SRPK2: variants seen among roughly 807,000 people sequenced by gnomAD.
The protein encoded by SRPK2 is SFRS protein kinase 2.
A neutral mutation model predicts 90.8 loss-of-function variants in SRPK2; 21 were observed. The ratio of observed to expected loss-of-function variants is 0.23; its 90% CI spans 0.16 to 0.33. SRPK2 has a LOEUF of 0.33. Ranked by LOEUF, SRPK2 falls within the 10% of genes least tolerant of loss-of-function variation. SRPK2 has a pLI of 1.00. For missense variants in SRPK2, 620 were observed against 869.0 expected, an observed-to-expected ratio of 0.71 and a Z score of 3.60; for synonymous variants, 288 against 311.1, an observed-to-expected ratio of 0.93 and a Z score of 0.78.
intron 15 of SRPK2, among the ~76,000 whole-genome samples, chr7:105,119,412 T>C (rs1800014909): frequency 6.6e-6 from 1 of 152,178 alleles, no homozygotes; most frequent in South Asian, 2.1e-4. Flanking sequence ...TACCCACAAC[T>C]GCTCTTCTTT....
upstream of SRPK2, chr7:105,389,417 CA>C: frequency 8.2e-7 from 1 of 1,216,796 alleles, no homozygotes; most frequent in Admixed American, 2.9e-5. Flanking sequence ...GGCACACGAC[CA>C]AAAGCTGGGA....
At chr7:105,153,546 A>G (rs1488130898) in intron 7 of SRPK2, among the ~76,000 whole-genome samples, 5 of 152,126 alleles carry the variant, frequency 3.3e-5, no homozygotes, top group East Asian at 1.9e-4. Context: ...AGACTCCTCT[A>G]AAGACTGTCT....
intron 2 of SRPK2, among the ~76,000 whole-genome samples, chr7:105,360,769 C>A (rs1227193155): frequency 2.0e-5 from 3 of 152,032 alleles, no homozygotes; most frequent in Admixed American, 1.3e-4. Context: ...TTGTGGGTAA[C>A]CCGACAGGCC....
intron 3 of SRPK2, among the ~76,000 whole-genome samples, chr7:105,203,281 C>T (rs1002756807): frequency 2.6e-5 from 4 of 152,178 alleles, no homozygotes; most frequent in Non-Finnish European, 5.9e-5. Flanking sequence ...TCAGCCACCG[C>T]ACTGGCCCAG....
upstream of SRPK2, chr7:105,389,198 G>T: frequency 8.9e-7 from 1 of 1,126,820 alleles, no homozygotes; most frequent in Non-Finnish European, 1.1e-6. Context: ...CCGGGCACCG[G>T]ACCCGCGGGA....
At chr7:105,294,548 T>C (rs1350787374) in intron 2 of SRPK2, among the ~76,000 whole-genome samples, 1 of 151,252 alleles carries the variant, frequency 6.6e-6, no homozygotes, top group South Asian at 2.1e-4. Flanking sequence ...TTTTGTTTTT[T>C]TGAAATGGAG....
intron 2 of SRPK2, among the ~76,000 whole-genome samples, chr7:105,373,098 T>C (rs2132482734): frequency 6.6e-6 from 1 of 152,054 alleles, no homozygotes; most frequent in South Asian, 2.1e-4. Context: ...TCAAAAAAAA[T>C]CTGTGGGTCC....
chr7:105,389,322 C>G (rs761769822), upstream of SRPK2: 4 of 1,281,100 alleles, frequency 3.1e-6, no homozygotes, highest in East Asian at 1.8e-4. Context: ...CACCTCTCTT[C>G]CCGCGGCCTC....
chr7:105,229,072 A>C (rs1430227032), intron 2 of SRPK2, among the ~76,000 whole-genome samples: 1 of 152,116 alleles, frequency 6.6e-6, no homozygotes, highest in Admixed American at 6.5e-5. Context: ...GGCCCAAGAG[A>C]GCCAGCACCG....
intron 2 of SRPK2, among the ~76,000 whole-genome samples, chr7:105,308,994 T>C (rs1335046965): frequency 6.6e-6 from 1 of 152,108 alleles, no homozygotes; most frequent in Non-Finnish European, 1.5e-5. Context: ...CTTCATTTCC[T>C]ATGGCCCCAG....
At chr7:105,133,522 G>T (rs1178868432) in intron 11 of SRPK2, among the ~76,000 whole-genome samples, 1 of 152,128 alleles carries the variant, frequency 6.6e-6, no homozygotes, top group Non-Finnish European at 1.5e-5. Context: ...GAACACTGCT[G>T]TGGGGGCCGA....
At chr7:105,304,187 G>A (rs1810898693) in intron 2 of SRPK2, 7 of 152,224 alleles carry the variant, frequency 4.6e-5, no homozygotes, top group Admixed American at 3.9e-4. Flanking sequence ...TTAACAAGGA[G>A]TTAACTGTGG....
Position 105,388,312 on chromosome 7 carries a change from G to A in SRPK2, c.71+336C>T, listed in dbSNP as rs1044257960. ...CGGGGCCCCTTCCGGAAAGGGCCGCGACCCCCGGGCCAGCTCGCGGGCAAG... is the reference window on the plus strand; with the variant it reads ...CGGGGCCCCTTCCGGAAAGGGCCGCAACCCCCGGGCCAGCTCGCGGGCAAG... On this transcript the variant is annotated intron_variant, in intron 2 of 15. Coordinates refer to ENST00000393651, the MANE Select transcript of SRPK2 (RefSeq NM_182692.3). 3.3e-5 allele frequency among the ~76,000 whole-genome samples: 5 copies of A among 151,550 alleles called. No homozygotes were observed. In the East Asian group the frequency reaches 9.8e-4, roughly 30 times the overall value.
At chr7:105,196,848 G>A (rs1051322098) in intron 3 of SRPK2, among the ~76,000 whole-genome samples, 3 of 152,010 alleles carry the variant, frequency 2.0e-5, no homozygotes, top group Non-Finnish European at 2.9e-5. Flanking sequence ...TCAGGAGTTC[G>A]AGACCAGCAT....
At chr7:105,269,724 A>G (rs1318015372) in intron 2 of SRPK2, among the ~76,000 whole-genome samples, 1 of 152,218 alleles carries the variant, frequency 6.6e-6, no homozygotes, top group African/African-American at 2.4e-5. Flanking sequence ...TAAGGAGACA[A>G]TCTAACACGT....
chr7:105,320,858 G>A (rs774130187), intron 2 of SRPK2, among the ~76,000 whole-genome samples: 33 of 152,256 alleles, frequency 2.2e-4, no homozygotes, highest in Admixed American at 4.6e-4. Flanking sequence ...AATGAGACAA[G>A]GTCTTGCTCT....
intron 2 of SRPK2, among the ~76,000 whole-genome samples, chr7:105,350,449 C>T (rs1018293831): frequency 1.3e-5 from 2 of 151,212 alleles, no homozygotes; most frequent in African/African-American, 2.4e-5. Flanking sequence ...TATCTTGATA[C>T]AGCTGGCATT....
intron 2 of SRPK2, among the ~76,000 whole-genome samples, chr7:105,302,951 G>A (rs1810724719): frequency 1.3e-5 from 2 of 151,986 alleles, no homozygotes; most frequent in Non-Finnish European, 2.9e-5. Flanking sequence ...GCGGGCGCCT[G>A]TAGTCCCAGC....
intron 2 of SRPK2, chr7:105,332,700 G>A (rs927409678): frequency 2.0e-5 from 3 of 152,024 alleles, no homozygotes; most frequent in African/African-American, 7.3e-5. Context: ...GGGAGGTGGA[G>A]GTTGCAGTGA....
Sources: allele counts gnomAD v4.1 joint callset (sites outside exome capture counted in the v4.1 genomes callset), GRCh38; gene constraint gnomAD v4.1.1; transcripts MANE v1.5; gene names NCBI Gene and HGNC (gene_info 2026-07-23, HGNC 2026-07-21).